The following DDAH1 variants were observed in gnomAD, a reference collection of about 807,000 sequenced individuals.
DDAH1 encodes the protein N(G),N(G)-dimethylarginine dimethylaminohydrolase 1.
Under a neutral mutation model 28.8 loss-of-function variants are expected in DDAH1, and 19 were observed. The observed-to-expected ratio is 0.66, with a 90% CI of 0.46 to 0.97. The LOEUF (loss-of-function observed/expected upper bound fraction) is 0.97. DDAH1 is among the 50% of genes least tolerant of loss of function. The pLI is 0.00. For missense variants in DDAH1, 326 were observed against 375.9 expected, an observed-to-expected ratio of 0.87 and a Z score of 1.10; for synonymous variants, 153 against 154.4, an observed-to-expected ratio of 0.99 and a Z score of 0.07.
chr1:85,573,143 T>C (rs940844166), intron 1 of DDAH1, among the ~76,000 whole-genome samples: 2 of 152,208 alleles, frequency 1.3e-5, no homozygotes, highest in Non-Finnish European at 2.9e-5. Flanking sequence ...TATGTCTTCT[T>C]TCACATAGTA....
chr1:85,404,505 T>A, intron 1 of DDAH1: 8 of 1,470,230 alleles, frequency 5.4e-6, no homozygotes, highest in Middle Eastern at 1.8e-4. Context: ...CTGACCCGGA[T>A]TGAGCCATGG....
intron 1 of DDAH1, among the ~76,000 whole-genome samples, chr1:85,569,838 T>C (rs967362183): frequency 6.6e-6 from 1 of 152,200 alleles, no homozygotes; most frequent in Non-Finnish European, 1.5e-5. Flanking sequence ...CACGAGAATG[T>C]CCTAATTCAC....
chr1:85,391,187 A>C (rs796753756), intron 1 of DDAH1, among the ~76,000 whole-genome samples: 2 of 152,208 alleles, frequency 1.3e-5, no homozygotes, highest in Admixed American at 6.5e-5. Flanking sequence ...TGCTTTCTTT[A>C]TAAGAAAAAC....
upstream of DDAH1, among the ~76,000 whole-genome samples, chr1:85,468,488 G>A (rs1268928891): frequency 1.3e-5 from 2 of 151,964 alleles, no homozygotes; most frequent in African/African-American, 2.4e-5. Flanking sequence ...CTTACATGGC[G>A]GCAGGCAAGA....
chr1:85,358,914 C>T, intron 1 of DDAH1, 67 bp from the exon 2 acceptor site: 2 of 1,166,534 alleles, frequency 1.7e-6, no homozygotes, highest in African/African-American at 1.5e-5. Flanking sequence ...ACATCCAAAA[C>T]ATCTAAACAC....
At chr1:85,538,863 G>C (rs2100782821) in intron 1 of DDAH1, among the ~76,000 whole-genome samples, 1 of 152,262 alleles carries the variant, frequency 6.6e-6, no homozygotes, top group African/African-American at 2.4e-5. Context: ...ACTCTACACT[G>C]TTGGCCAGCT....
chr1:85,551,536 C>T (rs534812707), intron 1 of DDAH1, among the ~76,000 whole-genome samples: 1 of 152,330 alleles, frequency 6.6e-6, no homozygotes, highest in Non-Finnish European at 1.5e-5. Context: ...GAAGTTTCAA[C>T]TTTCACTCCT....
At chr1:85,501,262 A>G (rs1242161657) in intron 1 of DDAH1, among the ~76,000 whole-genome samples, 1 of 152,184 alleles carries the variant, frequency 6.6e-6, no homozygotes. Flanking sequence ...TGAACTTAGT[A>G]TAGCCTTGAG....
chr1:85,494,709 T>C (rs1361715), intron 2 of DDAH1: 73,008 of 152,170 alleles, frequency 0.48, 18,340 homozygotes, highest in East Asian at 0.61. Flanking sequence ...AGGGCATTTG[T>C]GTTTGGGAAG....
chr1:85,458,075 T>A (rs1570570062), intron 1 of DDAH1, among the ~76,000 whole-genome samples: 1 of 152,240 alleles, frequency 6.6e-6, no homozygotes, highest in Non-Finnish European at 1.5e-5. Flanking sequence ...ACTGGAATGA[T>A]AACTTACCCC....
intron 1 of DDAH1, among the ~76,000 whole-genome samples, chr1:85,573,596 A>T (rs1295194716): frequency 6.6e-6 from 1 of 152,236 alleles, no homozygotes; most frequent in Admixed American, 6.5e-5. Context: ...TGGAGAAAAT[A>T]AACAGATAAG....
chr1:85,455,104 A>T (rs1654827260), intron 1 of DDAH1, among the ~76,000 whole-genome samples: 1 of 152,218 alleles, frequency 6.6e-6, no homozygotes, highest in Non-Finnish European at 1.5e-5. Flanking sequence ...GGTATTTCAA[A>T]ATAAAGTACT....
At chr1:85,363,906 CTT>C (rs71819142) in intron 1 of DDAH1, among the ~76,000 whole-genome samples, 150 of 130,572 alleles carry the variant, frequency 1.1e-3, no homozygotes, top group African/African-American at 1.8e-3. Context: ...TGGATGTCAA[CTT>C]TTTTTTTTTT....
intron 1 of DDAH1, among the ~76,000 whole-genome samples, chr1:85,498,488 T>C (rs1656676990): frequency 6.6e-6 from 1 of 152,232 alleles, no homozygotes; most frequent in Non-Finnish European, 1.5e-5. Flanking sequence ...TGTAGGTTTT[T>C]TATACTACAC....
rs144803864 is a variant in DDAH1, at chr1:85,424,366, T to C, written c.303+40377A>G. On this transcript the variant is annotated intron_variant, in intron 1 of 5. Coordinates refer to ENST00000284031, the MANE Select transcript of DDAH1 (RefSeq NM_012137.4). The stretch of plus-strand genomic sequence containing the variant: ...ATTCTTCTCTTTTTAAGTTATTAAT[T>C]GCACTGAGATCAAGGCAGTATAGGG... Among the ~76,000 whole-genome samples, 37 of 152,232 alleles carry C rather than the reference T, an allele frequency of 2.4e-4. No individual in the cohort carries two copies. In the East Asian group the frequency reaches 5.6e-3, roughly 23 times the overall value.
chr1:85,489,799 C>A (rs1656325670), intron 2 of DDAH1, among the ~76,000 whole-genome samples: 1 of 151,926 alleles, frequency 6.6e-6, no homozygotes, highest in Non-Finnish European at 1.5e-5. Context: ...GTTATGAACC[C>A]CTAACATAGT....
chr1:85,404,514 G>A (rs558614062), intron 1 of DDAH1: 2 of 1,427,502 alleles, frequency 1.4e-6, no homozygotes, highest in Admixed American at 2.6e-5. Context: ...ATTGAGCCAT[G>A]GAGCAAATAA....
intron 4 of DDAH1, among the ~76,000 whole-genome samples, chr1:85,339,764 G>T (rs938806460): frequency 2.6e-5 from 4 of 152,094 alleles, no homozygotes; most frequent in African/African-American, 9.7e-5. Flanking sequence ...CCAAGCAATA[G>T]GATACTTATC....
intron 2 of DDAH1, among the ~76,000 whole-genome samples, chr1:85,477,362 A>G (rs1207170838): frequency 1.3e-5 from 2 of 152,170 alleles, no homozygotes; most frequent in African/African-American, 2.4e-5. Flanking sequence ...AATAATATGC[A>G]TCCGCCCTCA....
Sources: gnomAD v4.1 joint callset for allele counts (sites outside exome capture counted in the v4.1 genomes callset) on GRCh38, gnomAD v4.1.1 for gene constraint, MANE v1.5 for transcripts, NCBI Gene and HGNC (gene_info 2026-07-23, HGNC 2026-07-21) for gene names.